ATP9B: variants seen among roughly 807,000 people sequenced by gnomAD.
The protein encoded by ATP9B is probable phospholipid-transporting ATPase IIB.
ATP9B carries 110 observed loss-of-function variants against 146.1 expected under a neutral mutation model. The observed-to-expected ratio is 0.75, with a 90% CI of 0.65 to 0.88. ATP9B has a LOEUF of 0.88. Ranked by LOEUF, ATP9B falls within the 40% of genes least tolerant of loss-of-function variation. The pLI is 0.00. For missense variants in ATP9B, 1,499 were observed against 1,496.4 expected, an observed-to-expected ratio of 1.00 and a Z score of -0.03; for synonymous variants, 604 against 569.7, an observed-to-expected ratio of 1.06 and a Z score of -0.86.
At chr18:79,374,850 AAC>A (rs2097094165) in intron 28 of ATP9B, among the ~76,000 whole-genome samples, 1 of 152,368 alleles carries the variant, frequency 6.6e-6, no homozygotes, top group African/African-American at 2.4e-5. Flanking sequence ...ATCATGAATT[AAC>A]ACACTCAAGG....
chr18:79,262,951 T>C (rs2096159533), intron 12 of ATP9B, among the ~76,000 whole-genome samples: 1 of 152,244 alleles, frequency 6.6e-6, no homozygotes, highest in Non-Finnish European at 1.5e-5. Context: ...AATCACTGTC[T>C]TGGCTTTAAA....
chr18:79,163,179 T>C (rs1041834045), intron 7 of ATP9B, among the ~76,000 whole-genome samples: 2 of 152,242 alleles, frequency 1.3e-5, no homozygotes, highest in African/African-American at 4.8e-5. Context: ...GTTCATTCTT[T>C]CTCTCTTTAA....
intron 17 of ATP9B, among the ~76,000 whole-genome samples, chr18:79,332,435 T>C (rs546710068): frequency 6.6e-6 from 1 of 151,982 alleles, no homozygotes; most frequent in East Asian, 1.9e-4. Flanking sequence ...TCTCAAAAAA[T>C]AAAAATAAAA....
chr18:79,262,177 C>CT (rs1568522743), intron 12 of ATP9B, among the ~76,000 whole-genome samples: 1 of 129,490 alleles, frequency 7.7e-6, no homozygotes, highest in East Asian at 2.6e-4. Context: ...TTATCTGAAA[C>CT]TTTAATTCCT....
At chr18:79,227,857 C>T (rs1568447608) in intron 11 of ATP9B, among the ~76,000 whole-genome samples, 1 of 152,224 alleles carries the variant, frequency 6.6e-6, no homozygotes, top group Non-Finnish European at 1.5e-5. Flanking sequence ...TCTGCTCTGC[C>T]CAGGCATGTG....
chr18:79,225,440 A>C (rs1162392466), intron 11 of ATP9B, among the ~76,000 whole-genome samples: 1 of 152,234 alleles, frequency 6.6e-6, no homozygotes, highest in Non-Finnish European at 1.5e-5. Flanking sequence ...AAGATTAAGT[A>C]AACTGCAGTA....
intron 10 of ATP9B, among the ~76,000 whole-genome samples, chr18:79,210,213 A>G (rs1049753287): frequency 6.6e-6 from 1 of 152,232 alleles, no homozygotes; most frequent in South Asian, 2.1e-4. Context: ...CTGGAGAACC[A>G]TCGTGTTTAT....
intron 25 of ATP9B, among the ~76,000 whole-genome samples, chr18:79,355,681 G>T (rs1417820237): frequency 1.3e-5 from 2 of 152,214 alleles, no homozygotes; most frequent in Non-Finnish European, 2.9e-5. Context: ...AGTTCCAGGG[G>T]AGAAGAGACA....
chr18:79,256,262 T>C (rs1323502133), intron 12 of ATP9B, among the ~76,000 whole-genome samples: 7 of 122,756 alleles, frequency 5.7e-5, no homozygotes, highest in African/African-American at 9.9e-5. Context: ...GCTAGCTATA[T>C]ATATATATAT....
At chr18:79,324,582 G>A (rs1440903901) in intron 15 of ATP9B, among the ~76,000 whole-genome samples, 3 of 152,088 alleles carry the variant, frequency 2.0e-5, no homozygotes, top group African/African-American at 4.8e-5. Context: ...AGCGCTGTGG[G>A]CTGAGACCAG....
intron 4 of ATP9B, among the ~76,000 whole-genome samples, chr18:79,121,421 CT>C (rs1273925883): frequency 6.6e-6 from 1 of 152,116 alleles, no homozygotes; most frequent in Non-Finnish European, 1.5e-5. Context: ...AATCTCTGAC[CT>C]TGTTGGTACC....
intron 25 of ATP9B, among the ~76,000 whole-genome samples, chr18:79,351,276 T>G (rs906598875): frequency 1.3e-5 from 2 of 152,376 alleles, no homozygotes; most frequent in South Asian, 4.1e-4. Flanking sequence ...CTTGGGTTAG[T>G]GAGGCCTGTG....
At chr18:79,135,590 C>G (rs971144627) in intron 5 of ATP9B, among the ~76,000 whole-genome samples, 3 of 152,146 alleles carry the variant, frequency 2.0e-5, no homozygotes, top group Admixed American at 2.0e-4. Flanking sequence ...TTTTCAACCT[C>G]CAGTTTATTG....
At chr18:79,164,907 G>A (rs975898637) in intron 7 of ATP9B, among the ~76,000 whole-genome samples, 5 of 152,108 alleles carry the variant, frequency 3.3e-5, no homozygotes, top group African/African-American at 1.2e-4. Flanking sequence ...GAGGTTCAGA[G>A]GGGGAAATGA....
chr18:79,372,342 C>G (rs2097076752), intron 26 of ATP9B: 1 of 301,588 alleles, frequency 3.3e-6, no homozygotes. Flanking sequence ...GACATGTTCT[C>G]CAGCGAGGGT....
intron 10 of ATP9B, among the ~76,000 whole-genome samples, chr18:79,210,190 G>A (rs898476407): frequency 6.6e-6 from 1 of 152,206 alleles, no homozygotes; most frequent in African/African-American, 2.4e-5. Context: ...TCTCTAAAAT[G>A]CAGAACTGGG....
intron 9 of ATP9B, among the ~76,000 whole-genome samples, chr18:79,194,788 G>T (rs944590546): frequency 1.1e-4 from 16 of 152,336 alleles, no homozygotes; most frequent in Admixed American, 3.3e-4. Context: ...TGTAAGTGGG[G>T]AAAATATCCA....
At chr18:79,377,136 TC>T (rs2148069292) in intron 29 of ATP9B, 110 bp from the exon 30 acceptor site, 1 of 1,307,102 alleles carries the variant, frequency 7.7e-7, no homozygotes, top group East Asian at 2.3e-5. Context: ...CAGTGATGTT[TC>T]CGTGGCAAGC....
intron 7 of ATP9B, among the ~76,000 whole-genome samples, chr18:79,166,538 C>T (rs1399825404): frequency 6.6e-6 from 1 of 152,108 alleles, no homozygotes; most frequent in Non-Finnish European, 1.5e-5. Context: ...ATGGTTTTTG[C>T]CCAAGATGAT....
Sources: gnomAD v4.1 joint callset for allele counts (sites outside exome capture counted in the v4.1 genomes callset) on GRCh38, gnomAD v4.1.1 for gene constraint, MANE v1.5 for transcripts, NCBI Gene and HGNC (gene_info 2026-07-23, HGNC 2026-07-21) for gene names.